The following USP45 variants were observed in gnomAD, a reference collection of about 807,000 sequenced individuals.
The protein encoded by USP45 is ubiquitin carboxyl-terminal hydrolase 45.
Under a neutral mutation model 95.8 loss-of-function variants are expected in USP45, and 89 were observed. The ratio of observed to expected loss-of-function variants is 0.93; its 90% CI spans 0.78 to 1.11. The LOEUF is 1.11. Ranked by LOEUF, USP45 falls within the 50% of genes least tolerant of loss-of-function variation. The pLI, the probability that USP45 is intolerant of heterozygous loss-of-function variation, is 0.00. For synonymous variants in USP45, 281 were observed against 316.2 expected (o/e 0.89, Z 1.18); for missense variants, 898 against 942.5 (o/e 0.95, Z 0.62).
intron 13 of USP45, among the ~76,000 whole-genome samples, chr6:99,458,405 G>T (rs1295815745): frequency 6.6e-6 from 1 of 152,136 alleles, no homozygotes; most frequent in Non-Finnish European, 1.5e-5. Flanking sequence ...ACTGAACTAG[G>T]CACCTGAGAC....
intron 1 of USP45, among the ~76,000 whole-genome samples, chr6:99,510,854 C>T (rs1037415626): frequency 2.6e-5 from 4 of 152,114 alleles, no homozygotes; most frequent in Non-Finnish European, 5.9e-5. Flanking sequence ...TTTTCATCAA[C>T]GGAGTAAGTA....
At chr6:99,494,723 G>A (rs1238632913) in intron 5 of USP45, among the ~76,000 whole-genome samples, 9 of 151,940 alleles carry the variant, frequency 5.9e-5, no homozygotes, top group East Asian at 5.8e-4. Context: ...GTGAAACCTC[G>A]TCTCTACTAA....
At chr6:99,476,086 CT>C in intron 9 of USP45, 56 bp downstream of exon 9, 2 of 1,533,154 alleles carry the variant, frequency 1.3e-6, no homozygotes, top group Non-Finnish European at 1.8e-6. Context: ...CCAATAATCC[CT>C]TAGTTTTGTA....
chr6:99,442,454 TA>T (rs1781702631), intron 15 of USP45, among the ~76,000 whole-genome samples: 1 of 152,188 alleles, frequency 6.6e-6, no homozygotes. Flanking sequence ...GGATCCCACC[TA>T]AAATGTTGCA....
intron 13 of USP45, among the ~76,000 whole-genome samples, chr6:99,447,823 G>A (rs1782879277): frequency 1.3e-5 from 2 of 152,190 alleles, no homozygotes; most frequent in South Asian, 2.1e-4. Flanking sequence ...ACCTCACACG[G>A]CCGGGTACCC....
rs1470125222 is a variant in USP45 at position 99,432,868 on chromosome 6, A to G, written c.*2848T>C. The G allele has an allele frequency of 6.5e-6, 1 of 152,678 alleles. No homozygotes were observed. The highest frequency in any genetic ancestry group is 2.4e-5 in the African/African-American group (1 of 41,466). The allele number at this position is 152,678 out of a possible 1,614,324, so 9.5% of individuals were successfully genotyped here. A position where few individuals can be genotyped will look rare whatever the true frequency, so the allele number is the denominator to read the frequency against. The stretch of plus-strand genomic sequence containing the variant: ...AGAAAATTTTCTTCAGCTATTGCAT[A>G]AAATCACTGATTAAAATCATCACAC... On this transcript the variant is annotated 3_prime_UTR_variant, in exon 18 of 18. Transcript: ENST00000500704.
intron 9 of USP45, among the ~76,000 whole-genome samples, chr6:99,473,292 C>G (rs1583209214): frequency 6.6e-6 from 1 of 152,142 alleles, no homozygotes. Flanking sequence ...GTGATCCCAG[C>G]ACTTTGGGAG....
intron 5 of USP45, among the ~76,000 whole-genome samples, chr6:99,497,236 T>A (rs557110389): frequency 1.7e-3 from 262 of 152,250 alleles, no homozygotes; most frequent in African/African-American, 6.1e-3. Flanking sequence ...TATGACCTTT[T>A]TATTCCATGT....
intron 1 of USP45, among the ~76,000 whole-genome samples, chr6:99,510,724 A>G (rs1008227321): frequency 9.2e-5 from 14 of 152,204 alleles, no homozygotes; most frequent in African/African-American, 3.1e-4. Flanking sequence ...AGCTCCCAGT[A>G]TTGTGAGAAA....
chr6:99,445,907 G>T lies in USP45; in HGVS notation c.1865C>A (p.Ser622Tyr). 1 of 1,614,008 alleles carries T rather than the reference G, an allele frequency of 6.2e-7. No individual in the cohort carries two copies. Among genetic ancestry groups the T allele is most frequent in the South Asian group, 1.1e-5 (1 of 91,060 alleles). Residue 622 changes from serine (S) to tyrosine (Y), a missense_variant, in exon 14 of 18, where the codon TCC becomes TAC. Coordinates refer to ENST00000500704, the MANE Select transcript of USP45 (RefSeq NM_001346022.3). ...ITTSKECSIQ[S>Y]CLYQFTSMEL... is the part of the protein sequence containing the mutation. The stretch of plus-strand genomic sequence containing the variant: ...CATAGATGTAAACTGGTAGAGACAG[G>T]ACTGAATTGAACATTCTTTAGAAGT...
At chr6:99,466,029 T>G (rs1787867263) in intron 11 of USP45, among the ~76,000 whole-genome samples, 1 of 152,178 alleles carries the variant, frequency 6.6e-6, no homozygotes, top group Non-Finnish European at 1.5e-5. Context: ...TTAGTTTTTT[T>G]TTTTTGAAAC....
At chr6:99,447,242 A>G (rs909696345) in intron 13 of USP45, among the ~76,000 whole-genome samples, 4 of 152,214 alleles carry the variant, frequency 2.6e-5, no homozygotes, top group Non-Finnish European at 5.9e-5. Context: ...ATGTTTCACT[A>G]AAGTTTCCAC....
chr6:99,447,023 C>T (rs946220338), intron 13 of USP45, among the ~76,000 whole-genome samples: 1 of 152,210 alleles, frequency 6.6e-6, no homozygotes, highest in Non-Finnish European at 1.5e-5. Context: ...TTTTCAGTTA[C>T]TGTATAAGCC....
intron 13 of USP45, among the ~76,000 whole-genome samples, chr6:99,455,819 TAAAAAAAAAAAAAAAA>T (rs35285232): frequency 4.5e-5 from 2 of 44,338 alleles, no homozygotes; most frequent in African/African-American, 9.7e-5. Context: ...ATGTGAGAGC[TAAAAAAAAAAAAAAAA>T]AAAAAAAAAA....
intron 4 of USP45, 132 bp downstream of exon 4, chr6:99,507,296 T>C: frequency 1.9e-6 from 1 of 513,348 alleles, no homozygotes; most frequent in South Asian, 3.7e-5. Flanking sequence ...AAGTATCCCA[T>C]AGATTGTGTT....
chr6:99,503,860 T>A lies in USP45; in HGVS notation c.383A>T (p.Tyr128Phe), dbSNP rs747060904. The change falls in exon 5 of 18, where the codon TAT becomes TTT. Residue 128 changes from tyrosine (Y) to phenylalanine (F), a missense_variant. Transcript: ENST00000500704. ...CGTTGATAATTTTTCATCACATTCA[T>A]AACACCTGAAAAAGTATAAAATTTA... The part of the protein sequence containing the change: ...INLSTWIIWC[Y>F]ECDEKLSTHC... The A allele has an allele frequency of 2.0e-5, 31 of 1,567,942 alleles. No homozygotes were observed. The highest frequency in any genetic ancestry group is 2.6e-5 in the Non-Finnish European group (30 of 1,157,980).
chr6:99,450,243 G>A (rs1043928656), intron 13 of USP45, among the ~76,000 whole-genome samples: 5 of 152,016 alleles, frequency 3.3e-5, no homozygotes, highest in African/African-American at 1.2e-4. Flanking sequence ...ATGAATCCAG[G>A]AGCTGGTTTT....
At chr6:99,467,339 A>G (rs937803911) in intron 10 of USP45, among the ~76,000 whole-genome samples, 1 of 152,174 alleles carries the variant, frequency 6.6e-6, no homozygotes, top group Non-Finnish European at 1.5e-5. Context: ...ACGCAGTTTA[A>G]GTTGGGTGAC....
intron 5 of USP45, among the ~76,000 whole-genome samples, chr6:99,496,598 A>G (rs999162785): frequency 2.0e-5 from 3 of 152,290 alleles, no homozygotes; most frequent in African/African-American, 7.2e-5. Flanking sequence ...AGAACATGGG[A>G]TTGTCAGTCA....
Sources: gnomAD v4.1 joint callset for allele counts (sites outside exome capture counted in the v4.1 genomes callset) on GRCh38, gnomAD v4.1.1 for gene constraint, MANE v1.5 for transcripts, NCBI Gene and HGNC (gene_info 2026-07-23, HGNC 2026-07-21) for gene names.